Variants in SCN8A observed in about 807,000 individuals in gnomAD.
The protein encoded by SCN8A is sodium voltage-gated channel alpha subunit 8, also known as sodium channel protein type 8 subunit alpha.
A neutral mutation model predicts 184.1 loss-of-function variants in SCN8A; 30 were observed. That is an observed-to-expected ratio of 0.16 (90% confidence interval 0.12 to 0.22). SCN8A has a LOEUF of 0.22. Among genes scored for constraint, SCN8A ranks in the 10% least tolerant of loss-of-function variants. The pLI, the probability that SCN8A is intolerant of heterozygous loss-of-function variation, is 1.00. For synonymous variants in SCN8A, 852 were observed against 907.0 expected, an observed-to-expected ratio of 0.94 and a Z score of 1.09; for missense variants, 1,057 against 2,498.9, an observed-to-expected ratio of 0.42 and a Z score of 12.30.
intron 1 of SCN8A, among the ~76,000 whole-genome samples, chr12:51,599,289 TA>T (rs1168938935): frequency 6.6e-6 from 1 of 152,204 alleles, no homozygotes; most frequent in Non-Finnish European, 1.5e-5. Context: ...GGTTGATGAT[TA>T]AAAAGTTGGA....
intron 9 of SCN8A, among the ~76,000 whole-genome samples, chr12:51,704,574 G>T (rs1166963242): frequency 6.6e-6 from 1 of 151,308 alleles, no homozygotes; most frequent in Non-Finnish European, 1.5e-5. Context: ...GGAGGCTGAG[G>T]TGGGAGAATT....
chr12:51,742,828 ACT>A (rs1323549612), intron 12 of SCN8A, among the ~76,000 whole-genome samples: 2 of 152,030 alleles, frequency 1.3e-5, no homozygotes, highest in South Asian at 4.2e-4. Context: ...AAGGCCAATA[ACT>A]CTAAGATTTT....
chr12:51,652,616 G>A (rs1402783627), intron 1 of SCN8A, among the ~76,000 whole-genome samples: 1 of 152,094 alleles, frequency 6.6e-6, no homozygotes, highest in Non-Finnish European at 1.5e-5. Flanking sequence ...TACCCAAGTG[G>A]CTTGATCTCT....
At chr12:51,759,686 AC>A (rs761157381) in intron 14 of SCN8A, among the ~76,000 whole-genome samples, 23 of 152,130 alleles carry the variant, frequency 1.5e-4, no homozygotes, top group African/African-American at 3.4e-4. Context: ...ATCCTCAACT[AC>A]CCTTTGAGAA....
intron 1 of SCN8A, among the ~76,000 whole-genome samples, chr12:51,606,316 A>G (rs927383969): frequency 6.6e-6 from 1 of 152,110 alleles, no homozygotes; most frequent in African/African-American, 2.4e-5. Context: ...TGGCTAGCCA[A>G]TTATCCCAGC....
chr12:51,595,750 T>C (rs974995261), intron 1 of SCN8A, among the ~76,000 whole-genome samples: 3 of 152,216 alleles, frequency 2.0e-5, no homozygotes, highest in Admixed American at 2.0e-4. Context: ...TTTAGCAGCT[T>C]AATGTGTATT....
At chr12:51,730,712 G>A (rs1447581317) in intron 12 of SCN8A, among the ~76,000 whole-genome samples, 2 of 152,084 alleles carry the variant, frequency 1.3e-5, no homozygotes, top group African/African-American at 4.8e-5. Flanking sequence ...AAACAATCCA[G>A]TTATATTCTT....
intron 1 of SCN8A, among the ~76,000 whole-genome samples, chr12:51,650,504 C>T (rs929613383): frequency 7.6e-6 from 1 of 131,552 alleles, no homozygotes; most frequent in Non-Finnish European, 1.6e-5. Context: ...GCAAAAGGCA[C>T]TCTTTTTTTT....
At chr12:51,696,921 C>T (rs1197150567) in intron 6 of SCN8A, among the ~76,000 whole-genome samples, 1 of 151,796 alleles carries the variant, frequency 6.6e-6, no homozygotes, top group Non-Finnish European at 1.5e-5. Flanking sequence ...CACCTGTAAT[C>T]CCAGTTACTC....
chr12:51,617,459 TA>T (rs1939865845), intron 1 of SCN8A, among the ~76,000 whole-genome samples: 1 of 152,190 alleles, frequency 6.6e-6, no homozygotes, highest in Non-Finnish European at 1.5e-5. Context: ...GGTTCTTTTT[TA>T]AAAAAGTGTT....
intron 11 of SCN8A, chr12:51,713,545 C>T (rs939857859): frequency 3.5e-5 from 26 of 738,708 alleles, no homozygotes; most frequent in East Asian, 7.3e-5. Flanking sequence ...CTCTTCCTGC[C>T]GGTGGCAATG....
chr12:51,712,626 C>G lies in SCN8A; in HGVS notation c.1635+5911C>G, dbSNP rs1307913636. The G allele has an allele frequency of 9.0e-6, 7 of 779,174 alleles. No homozygotes were observed. In the East Asian group the frequency reaches 1.7e-4, roughly 19 times the overall value. The allele number at this position is 779,174 out of a possible 1,614,324, so 48.3% of individuals were successfully genotyped here. On this transcript the variant is annotated intron_variant, in intron 11 of 26. Coordinates refer to ENST00000627620, the MANE Select transcript of SCN8A (RefSeq NM_001330260.2). ...CTAAAATCATTATAGTTCCCACCACCACCATAGTTACCACCGCCAAAATTT... is the reference window on the plus strand; with the variant it reads ...CTAAAATCATTATAGTTCCCACCACGACCATAGTTACCACCGCCAAAATTT...
intron 16 of SCN8A, among the ~76,000 whole-genome samples, chr12:51,767,808 C>G (rs1592150810): frequency 6.6e-6 from 1 of 152,208 alleles, no homozygotes; most frequent in East Asian, 1.9e-4. Context: ...GTAACAGCCT[C>G]CTAACTTCTG....
chr12:51,592,028 A>C (rs1245759723), intron 1 of SCN8A, among the ~76,000 whole-genome samples: 1 of 142,090 alleles, frequency 7.0e-6, no homozygotes. Context: ...TCACTTTGAG[A>C]ATATCCCCTT....
chr12:51,662,991 C>T lies in SCN8A; in HGVS notation c.174C>T (p.Asp58=). The change falls in exon 2 of 27, where the codon GAC becomes GAT. Residue 58 remains aspartate (D), a synonymous_variant. Transcript: ENST00000627620. ...ACAGCAAGCCCAAGCCAAACAGCGA[C>T]CTGGAAGCAGGGAAGAGTTTGCCTT... ...DEDSKPKPNS[D]LEAGKSLPFI... The T allele has an allele frequency of 6.2e-7, 1 of 1,614,042 alleles. No homozygotes were observed. The highest frequency in any genetic ancestry group is 8.5e-7 in the Non-Finnish European group (1 of 1,179,902).
chr12:51,801,889 T>C (rs571311924), intron 26 of SCN8A, among the ~76,000 whole-genome samples: 1 of 152,246 alleles, frequency 6.6e-6, no homozygotes, highest in Non-Finnish European at 1.5e-5. Context: ...ACCCCGTCTC[T>C]ACTAAAAATA....
intron 14 of SCN8A, among the ~76,000 whole-genome samples, chr12:51,752,473 A>G (rs1007540237): frequency 1.3e-5 from 2 of 152,104 alleles, no homozygotes; most frequent in Admixed American, 6.6e-5. Flanking sequence ...TCCTATTACT[A>G]TACTATTAGA....
intron 2 of SCN8A, among the ~76,000 whole-genome samples, chr12:51,666,719 T>A (rs903968819): frequency 6.6e-6 from 1 of 152,194 alleles, no homozygotes; most frequent in Non-Finnish European, 1.5e-5. Context: ...TTTCTCCTAG[T>A]GGGTAAGAGA....
chr12:51,606,550 A>G (rs1398977725), intron 1 of SCN8A, among the ~76,000 whole-genome samples: 1 of 152,150 alleles, frequency 6.6e-6, no homozygotes, highest in Non-Finnish European at 1.5e-5. Context: ...CTTTTTGCTT[A>G]GTCTTGCTTT....
Sources: gnomAD v4.1 joint callset for allele counts (sites outside exome capture counted in the v4.1 genomes callset) on GRCh38, gnomAD v4.1.1 for gene constraint, MANE v1.5 for transcripts, NCBI Gene and HGNC (gene_info 2026-07-23, HGNC 2026-07-21) for gene names.